The following SEZ6L variants were observed in gnomAD, a reference collection of about 807,000 sequenced individuals.
SEZ6L encodes the protein seizure 6-like protein.
In SEZ6L, 37 loss-of-function variants were observed where a neutral mutation model predicts 106.2. The ratio of observed to expected loss-of-function variants is 0.35; its 90% CI spans 0.27 to 0.46. The LOEUF is 0.46. Ranked by LOEUF, SEZ6L falls within the 20% of genes least tolerant of loss-of-function variation. The probability of loss-of-function intolerance (pLI) is 1.00; values close to 1 mark genes in which losing one functional copy is unlikely to be tolerated. For synonymous variants in SEZ6L, 541 were observed against 570.4 expected (o/e 0.95, Z 0.73); for missense variants, 1,172 against 1,332.8 (o/e 0.88, Z 1.88).
chr22:26,377,878 C>T, intron 16 of SEZ6L, 103 bp downstream of exon 16: 4 of 877,532 alleles, frequency 4.6e-6, no homozygotes, highest in Non-Finnish European at 7.5e-6. Context: ...ACAAGAGGCA[C>T]AGCCAGTGGT....
intron 14 of SEZ6L, among the ~76,000 whole-genome samples, chr22:26,374,882 G>A (rs954632093): frequency 4.6e-5 from 7 of 152,214 alleles, no homozygotes; most frequent in African/African-American, 1.4e-4. Context: ...GCCGGGAAAT[G>A]TGCAGGAGTA....
At chr22:26,324,866 C>T (rs1342564780) in intron 9 of SEZ6L, among the ~76,000 whole-genome samples, 1 of 152,304 alleles carries the variant, frequency 6.6e-6, no homozygotes, top group South Asian at 2.1e-4. Context: ...AACAAACCAC[C>T]CCAAATTCAC....
At chr22:26,376,163 T>C (rs2146085921) in intron 15 of SEZ6L, among the ~76,000 whole-genome samples, 1 of 151,266 alleles carries the variant, frequency 6.6e-6, no homozygotes, top group South Asian at 2.1e-4. Flanking sequence ...GAGCACTTAC[T>C]AGGTGCCAGG....
intron 1 of SEZ6L, among the ~76,000 whole-genome samples, chr22:26,186,470 T>C (rs134762): frequency 0.25 from 37,429 of 151,878 alleles, 4,836 homozygotes; most frequent in Middle Eastern, 0.34. Flanking sequence ...AAAGTTGGAA[T>C]TTATAGCCAA....
chr22:26,310,937 G>A lies in SEZ6L; in HGVS notation c.1681+101G>A, dbSNP rs943228501. ...AGAAATCTGGGCTGCGAAGGATGTG[G>A]GAAATCCCATGGCCATGTGGATCCT... On this transcript the variant is annotated intron_variant, in intron 7 of 16. Transcript: ENST00000248933. 19 of 1,211,244 alleles carry A rather than the reference G, an allele frequency of 1.6e-5. No homozygotes were observed. In the African/African-American group the frequency reaches 2.7e-4, roughly 17 times the overall value. 75.0% of individuals were successfully genotyped at this position (1,211,244 alleles called of 1,614,324 possible). A position where few individuals can be genotyped will look rare whatever the true frequency, so the allele number is the denominator to read the frequency against.
At chr22:26,181,251 A>C (rs1601961979) in intron 1 of SEZ6L, among the ~76,000 whole-genome samples, 1 of 152,218 alleles carries the variant, frequency 6.6e-6, no homozygotes, top group Non-Finnish European at 1.5e-5. Context: ...GTATGCCACC[A>C]AACTATGAAT....
chr22:26,173,538 T>C (rs1938768317), intron 1 of SEZ6L, among the ~76,000 whole-genome samples: 1 of 152,214 alleles, frequency 6.6e-6, no homozygotes, highest in Non-Finnish European at 1.5e-5. Context: ...AGCAGGTTAA[T>C]GGTTGGGAAG....
intron 1 of SEZ6L, among the ~76,000 whole-genome samples, chr22:26,208,521 T>C (rs931086279): frequency 1.3e-5 from 2 of 152,252 alleles, no homozygotes; most frequent in African/African-American, 2.4e-5. Flanking sequence ...TCTTGGCTTC[T>C]GGCTTCCATA....
chr22:26,188,176 G>A (rs1414579835), intron 1 of SEZ6L, among the ~76,000 whole-genome samples: 1 of 152,162 alleles, frequency 6.6e-6, no homozygotes, highest in African/African-American at 2.4e-5. Context: ...TTCCCTGCCT[G>A]TCTCAGCTGA....
At chr22:26,206,172 G>A (rs1193873202) in intron 1 of SEZ6L, among the ~76,000 whole-genome samples, 3 of 152,154 alleles carry the variant, frequency 2.0e-5, no homozygotes, top group Non-Finnish European at 4.4e-5. Context: ...ACCTGTCTTT[G>A]CAAATACTTT....
chr22:26,321,092 TCC>T (rs2082140311), intron 9 of SEZ6L, among the ~76,000 whole-genome samples: 1 of 152,304 alleles, frequency 6.6e-6, no homozygotes, highest in Non-Finnish European at 1.5e-5. Flanking sequence ...AAAGCACAGC[TCC>T]CTTCTTAATT....
chr22:26,191,854 C>T (rs1433224255), intron 1 of SEZ6L, among the ~76,000 whole-genome samples: 1 of 152,214 alleles, frequency 6.6e-6, no homozygotes, highest in African/African-American at 2.4e-5. Flanking sequence ...TCTGGCCTCA[C>T]AGGACACTTC....
chr22:26,201,056 G>T (rs1459552750), intron 1 of SEZ6L, among the ~76,000 whole-genome samples: 2 of 152,022 alleles, frequency 1.3e-5, no homozygotes, highest in African/African-American at 4.8e-5. Flanking sequence ...ATGGGTCCTT[G>T]CACTCTTTTT....
At chr22:26,274,756 T>A (rs1047978205) in intron 1 of SEZ6L, among the ~76,000 whole-genome samples, 4 of 152,170 alleles carry the variant, frequency 2.6e-5, no homozygotes, top group Non-Finnish European at 5.9e-5. Flanking sequence ...TGGGGCCCCA[T>A]GGACAGCACT....
At chr22:26,370,059 G>T (rs1240381757) in intron 13 of SEZ6L, among the ~76,000 whole-genome samples, 1 of 152,124 alleles carries the variant, frequency 6.6e-6, no homozygotes. Flanking sequence ...TGAGTTTTCT[G>T]CAGGGAAGAA....
chr22:26,301,294 GTTGT>G (rs2081446200), intron 5 of SEZ6L, among the ~76,000 whole-genome samples: 1 of 152,218 alleles, frequency 6.6e-6, no homozygotes, highest in Admixed American at 6.5e-5. Context: ...CCTGTTGGGC[GTTGT>G]TTGTCATTCA....
intron 9 of SEZ6L, among the ~76,000 whole-genome samples, chr22:26,338,152 G>A (rs996814884): frequency 2.0e-5 from 3 of 152,180 alleles, no homozygotes; most frequent in Non-Finnish European, 4.4e-5. Flanking sequence ...CTCTGGCATT[G>A]AATTGCTCAG....
chr22:26,272,323 G>A (rs1472203957), intron 1 of SEZ6L, among the ~76,000 whole-genome samples: 2 of 152,172 alleles, frequency 1.3e-5, no homozygotes. Flanking sequence ...AAAAGTTTAT[G>A]AAAAACATGA....
At chr22:26,181,337 C>G (rs2123777135) in intron 1 of SEZ6L, among the ~76,000 whole-genome samples, 1 of 152,336 alleles carries the variant, frequency 6.6e-6, no homozygotes, top group Non-Finnish European at 1.5e-5. Context: ...CCTCCACCTT[C>G]TATGCCCCCT....
Sources: gnomAD v4.1 joint callset for allele counts (sites outside exome capture counted in the v4.1 genomes callset) on GRCh38, gnomAD v4.1.1 for gene constraint, MANE v1.5 for transcripts, NCBI Gene and HGNC (gene_info 2026-07-23, HGNC 2026-07-21) for gene names.